PTGFR: variants seen among roughly 807,000 people sequenced by gnomAD.
The protein encoded by PTGFR is prostaglandin F receptor.
PTGFR carries 15 observed loss-of-function variants against 26.2 expected under a neutral mutation model. That is an observed-to-expected ratio of 0.57 (90% CI 0.38 to 0.88). The LOEUF (loss-of-function observed/expected upper bound fraction) is 0.88, where lower values mean the gene tolerates loss of function less well. PTGFR is among the 40% of genes least tolerant of loss of function. The pLI is 0.00. For synonymous variants in PTGFR, 165 were observed against 151.1 expected (o/e 1.09, Z -0.68); for missense variants, 369 against 427.2 (o/e 0.86, Z 1.20).
chr1:78,534,078 C>A (rs1650587538), intron 2 of PTGFR, among the ~76,000 whole-genome samples: 1 of 152,122 alleles, frequency 6.6e-6, no homozygotes, highest in South Asian at 2.1e-4. Context: ...GAATTCTAAT[C>A]ATCAACAAGG....
At chr1:78,503,101 C>A (rs1316986543) in intron 2 of PTGFR, among the ~76,000 whole-genome samples, 1 of 151,918 alleles carries the variant, frequency 6.6e-6, no homozygotes, top group African/African-American at 2.4e-5. Context: ...CCCAGAGATA[C>A]GGAAGTGTGA....
In PTGFR at chr1:78,492,261, C is replaced by T. The variant is rs1649420565; in HGVS notation, c.-72-411C>T. Among the ~76,000 whole-genome samples, 3 of 152,276 alleles carry T rather than the reference C, an allele frequency of 2.0e-5. No individual in the cohort carries two copies. In the South Asian group the frequency reaches 6.2e-4, roughly 32 times the overall value. On this transcript the variant is annotated intron_variant, in intron 1 of 2. Coordinates refer to ENST00000370757, the MANE Select transcript of PTGFR (RefSeq NM_000959.4). ...AATAATCTGCAGTTTGGGGGCAAAG[C>T]CCACCAGAGGAAAGAGAAGACACTT...
At chr1:78,508,880 A>G (rs970995363) in intron 2 of PTGFR, among the ~76,000 whole-genome samples, 5 of 152,188 alleles carry the variant, frequency 3.3e-5, no homozygotes, top group Admixed American at 3.3e-4. Flanking sequence ...CAAGATACTG[A>G]TATGAATGTT....
In PTGFR at chr1:78,493,018, A is replaced by G. The variant is rs1442680265; in HGVS notation, c.275A>G (p.Tyr92Cys). 6.2e-7 allele frequency: 1 copy of G among 1,614,104 alleles called. No individual in the cohort carries two copies. The highest frequency in any genetic ancestry group is 8.5e-7 in the Non-Finnish European group (1 of 1,180,052). The change falls in exon 2 of 3, where the codon TAT becomes TGT. Residue 92 changes from tyrosine (Y) to cysteine (C), a missense_variant. Coordinates refer to ENST00000370757, the MANE Select transcript of PTGFR (RefSeq NM_000959.4). ...AATGGAGCCATAGCAGTATTTGTAT[A>G]TGCTTCTGATAAAGAATGGATCCGC... ...LINGAIAVFV[Y>C]ASDKEWIRFD...
At position 78,516,847 on chromosome 1, in the gene PTGFR, G is replaced by A. The variant is rs114637897; in HGVS notation, c.799-19559G>A. On this transcript the variant is annotated intron_variant, in intron 2 of 2. Coordinates refer to ENST00000370757, the MANE Select transcript of PTGFR (RefSeq NM_000959.4). ...GAGAGAGGTCACTGCTGAGTGTTGCGAGGAACCAGTCATCAGGCTTTGATT... is the reference window on the plus strand; with the variant it reads ...GAGAGAGGTCACTGCTGAGTGTTGCAAGGAACCAGTCATCAGGCTTTGATT... 2.5e-3 allele frequency among the ~76,000 whole-genome samples: 379 copies of A among 152,144 alleles called. 4 individuals are homozygous for A. Among genetic ancestry groups the A allele is most frequent in the African/African-American group, 8.8e-3 (366 of 41,518 alleles).
chr1:78,493,218 G>T lies in PTGFR; in HGVS notation c.475G>T (p.Val159Leu), dbSNP rs778022964. ...ACATGTGAAAATGATGTTAAGTGGT[G>T]TGTGCTTGTTTGCTGTTTTCATAGC... ...SKHVKMMLSG[V>L]CLFAVFIALL... Residue 159 changes from valine (V) to leucine (L), a missense_variant, in exon 2 of 3, where the codon GTG becomes TTG. Coordinates refer to ENST00000370757, the MANE Select transcript of PTGFR (RefSeq NM_000959.4). 6.2e-7 allele frequency: 1 copy of T among 1,614,210 alleles called. No individual in the cohort carries two copies. Among genetic ancestry groups the T allele is most frequent in the African/African-American group, 1.3e-5 (1 of 75,054 alleles).
intron 2 of PTGFR, among the ~76,000 whole-genome samples, chr1:78,497,132 G>T (rs895643104): frequency 2.6e-5 from 4 of 151,932 alleles, no homozygotes; most frequent in African/African-American, 9.7e-5. Flanking sequence ...TTCCAAAAGG[G>T]GAAAATGTGC....
At position 78,538,479 on chromosome 1, in the gene PTGFR, TA is replaced by T. The variant is rs141440468; in HGVS notation, c.*1794del. The T allele has an allele frequency of 1.7e-3, 259 of 151,012 alleles. No individual in the cohort carries two copies. Among genetic ancestry groups the T allele is most frequent in the African/African-American group, 6.1e-3 (251 of 41,104 alleles). The allele number at this position is 151,012 out of a possible 1,614,324, so 9.4% of individuals were successfully genotyped here. A position where few individuals can be genotyped will look rare whatever the true frequency, so the allele number is the denominator to read the frequency against. ...TATGTTATCTGAGTATATGTTTGGG[TA>T]ACCAAATTGGTCTTAAAAATGATGT... On this transcript the variant is annotated 3_prime_UTR_variant, in exon 3 of 3. Transcript: ENST00000370757.
At chr1:78,523,920 C>G (rs1239564482) in intron 2 of PTGFR, among the ~76,000 whole-genome samples, 1 of 151,922 alleles carries the variant, frequency 6.6e-6, no homozygotes, top group Non-Finnish European at 1.5e-5. Context: ...AACTATATGC[C>G]CAGCATGTCT....
At chr1:78,502,762 C>T (rs1649740375) in intron 2 of PTGFR, among the ~76,000 whole-genome samples, 1 of 152,118 alleles carries the variant, frequency 6.6e-6, no homozygotes, top group Non-Finnish European at 1.5e-5. Context: ...GGGCATCTAA[C>T]ATATGTCAGG....
In PTGFR at chr1:78,539,878, C is replaced by T. The variant is rs1425472164; in HGVS notation, c.*3191C>T. 1.3e-5 allele frequency: 2 copies of T among 152,080 alleles called. No homozygotes were observed. Among genetic ancestry groups the T allele is most frequent in the East Asian group, 3.8e-4 (2 of 5,196 alleles). The allele number at this position is 152,080 out of a possible 1,614,324, so 9.4% of individuals were successfully genotyped here. On this transcript the variant is annotated 3_prime_UTR_variant, in exon 3 of 3. Transcript: ENST00000370757. ...TCCATTATTACCTTTTGCTCTCCCA[C>T]CCTGCCCAATCTTCTGTGATATCTT... is the stretch of plus-strand genomic sequence containing the variant.
At chr1:78,533,143 T>C (rs971976630) in intron 2 of PTGFR, among the ~76,000 whole-genome samples, 1 of 152,164 alleles carries the variant, frequency 6.6e-6, no homozygotes, top group Non-Finnish European at 1.5e-5. Flanking sequence ...TGAAAAGCAG[T>C]TGAAGAACTA....
chr1:78,506,180 T>TCCGGCCTGAC (rs1649824371), intron 2 of PTGFR, among the ~76,000 whole-genome samples: 1 of 152,044 alleles, frequency 6.6e-6, no homozygotes, highest in South Asian at 2.1e-4. Flanking sequence ...TATTCCACAG[T>TCCGGCCTGAC]TTTTGCCAAC....
rs368624131 is a variant in PTGFR at position 78,492,623 on chromosome 1, A to G, written c.-72-49A>G. 3 of 966,436 alleles carry G rather than the reference A, an allele frequency of 3.1e-6. No individual in the cohort carries two copies. In the African/African-American group the frequency reaches 4.9e-5, roughly 16 times the overall value. 59.9% of individuals were successfully genotyped at this position (966,436 alleles called of 1,614,324 possible). A position where few individuals can be genotyped will look rare whatever the true frequency, so the allele number is the denominator to read the frequency against. ...CTGGGGCACGTCAGTCATAAACGTCAGATGAGCAGTAATGCGGTGTTCATA... is the reference window on the plus strand; with the variant it reads ...CTGGGGCACGTCAGTCATAAACGTCGGATGAGCAGTAATGCGGTGTTCATA... On this transcript the variant is annotated intron_variant, in intron 1 of 2. Coordinates refer to ENST00000370757, the MANE Select transcript of PTGFR (RefSeq NM_000959.4).
intron 2 of PTGFR, among the ~76,000 whole-genome samples, chr1:78,517,885 AT>A (rs928411353): frequency 7.2e-5 from 11 of 152,226 alleles, no homozygotes; most frequent in South Asian, 2.1e-4. Flanking sequence ...TATTTCGGAA[AT>A]TTTTTTTGTT....
At position 78,539,155 on chromosome 1, in the gene PTGFR, T is replaced by C. The variant is rs1650732164; in HGVS notation, c.*2468T>C. 1 of 146,604 alleles carries C rather than the reference T, an allele frequency of 6.8e-6. No homozygotes were observed. Among genetic ancestry groups the C allele is most frequent in the African/African-American group, 2.5e-5 (1 of 40,224 alleles). 9.1% of individuals were successfully genotyped at this position (146,604 alleles called of 1,614,324 possible). A position where few individuals can be genotyped will look rare whatever the true frequency, so the allele number is the denominator to read the frequency against. On this transcript the variant is annotated 3_prime_UTR_variant, in exon 3 of 3. Coordinates refer to ENST00000370757, the MANE Select transcript of PTGFR (RefSeq NM_000959.4). Reference sequence around the variant, plus strand: ...ACTAGGTGAAAGAAATGGGCCCTTATTTTTTTTTTTCCCTAGAGGCAGAAA... The same window carrying C: ...ACTAGGTGAAAGAAATGGGCCCTTACTTTTTTTTTTCCCTAGAGGCAGAAA...
intron 2 of PTGFR, among the ~76,000 whole-genome samples, chr1:78,534,532 A>G (rs750333463): frequency 4.6e-5 from 7 of 152,172 alleles, no homozygotes; most frequent in Admixed American, 6.6e-5. Flanking sequence ...AGGGGAAAAA[A>G]CATAATTTAT....
At chr1:78,521,939 T>TA (rs1426732679) in intron 2 of PTGFR, among the ~76,000 whole-genome samples, 1 of 152,102 alleles carries the variant, frequency 6.6e-6, no homozygotes, top group Non-Finnish European at 1.5e-5. Context: ...GCGCTCATCT[T>TA]ATCTCACAGT....
chr1:78,497,896 G>A lies in PTGFR; in HGVS notation c.798+4355G>A, dbSNP rs200956171. 2.2e-4 allele frequency: 354 copies of A among 1,592,556 alleles called. 1 individual carries two copies. The highest frequency in any genetic ancestry group is 7.2e-4 in the South Asian group (65 of 90,244). On this transcript the variant is annotated intron_variant, in intron 2 of 2. Coordinates refer to ENST00000370757, the MANE Select transcript of PTGFR (RefSeq NM_000959.4). ...CAGGGATACAGAATAATTTTGAATG[G>A]GAAAGAGAAATATAAAGTATATGAA...
Sources: allele counts gnomAD v4.1 joint callset (sites outside exome capture counted in the v4.1 genomes callset), GRCh38; gene constraint gnomAD v4.1.1; transcripts MANE v1.5; gene names NCBI Gene and HGNC (gene_info 2026-07-23, HGNC 2026-07-21).